TTC28: variants seen among roughly 807,000 people sequenced by gnomAD.
TTC28 encodes tetratricopeptide repeat protein 28.
Under a neutral mutation model 198.0 loss-of-function variants are expected in TTC28, and 61 were observed. The observed-to-expected ratio is 0.31, with a 90% confidence interval of 0.25 to 0.38. The LOEUF is 0.38. Among genes scored for constraint, TTC28 ranks in the 10% least tolerant of loss-of-function variants. The pLI, the probability that TTC28 is intolerant of heterozygous loss-of-function variation, is 1.00. For missense variants in TTC28, 2,678 were observed against 3,164.0 expected, an observed-to-expected ratio of 0.85 and a Z score of 3.69; for synonymous variants, 1,171 against 1,297.8, an observed-to-expected ratio of 0.90 and a Z score of 2.10.
At chr22:28,041,363 T>C (rs1039941106) in intron 12 of TTC28, among the ~76,000 whole-genome samples, 7 of 152,234 alleles carry the variant, frequency 4.6e-5, no homozygotes, top group Non-Finnish European at 7.3e-5. Flanking sequence ...CAAAACAGCA[T>C]GGTGCTGGTA....
chr22:28,365,474 G>C (rs1436918917), intron 2 of TTC28, among the ~76,000 whole-genome samples: 1 of 152,134 alleles, frequency 6.6e-6, no homozygotes, highest in Non-Finnish European at 1.5e-5. Flanking sequence ...ACAGAAGCAA[G>C]CTTTGGGAAA....
chr22:28,161,507 G>A (rs1019871033), intron 6 of TTC28, among the ~76,000 whole-genome samples: 1 of 152,030 alleles, frequency 6.6e-6, no homozygotes, highest in African/African-American at 2.4e-5. Context: ...AAATTAGCTG[G>A]TCAGGGTGGC....
At chr22:28,539,966 A>G (rs8136113) in intron 2 of TTC28, among the ~76,000 whole-genome samples, 6,417 of 116,404 alleles carry the variant, frequency 0.055, 238 homozygotes, top group African/African-American at 0.11. Flanking sequence ...TTTTTCTGAG[A>G]CAGGGTCTCA....
intron 12 of TTC28, among the ~76,000 whole-genome samples, chr22:28,089,228 A>G (rs1034452018): frequency 1.5e-4 from 23 of 152,164 alleles, no homozygotes; most frequent in Admixed American, 1.1e-3. Context: ...TGTTTACTGC[A>G]GCACTATTCA....
intron 5 of TTC28, among the ~76,000 whole-genome samples, chr22:28,170,920 A>C (rs1922611054): frequency 6.6e-6 from 1 of 150,510 alleles, no homozygotes; most frequent in South Asian, 2.1e-4. Context: ...TTCTAACCCC[A>C]GCCTCTCTGT....
chr22:28,141,780 T>C (rs991836169), intron 6 of TTC28, among the ~76,000 whole-genome samples: 6 of 152,162 alleles, frequency 3.9e-5, no homozygotes, highest in African/African-American at 1.2e-4. Flanking sequence ...TTTTGCCATA[T>C]AAAGGACCAT....
intron 2 of TTC28, among the ~76,000 whole-genome samples, chr22:28,518,782 C>T (rs184491718): frequency 6.6e-6 from 1 of 152,226 alleles, no homozygotes; most frequent in East Asian, 1.9e-4. Context: ...ATTCATCTAT[C>T]AATTACGAAA....
chr22:28,493,201 C>T (rs2146348138), intron 2 of TTC28, among the ~76,000 whole-genome samples: 1 of 151,978 alleles, frequency 6.6e-6, no homozygotes, highest in Non-Finnish European at 1.5e-5. Context: ...ACTAAATATA[C>T]AAAAATTAGC....
intron 6 of TTC28, among the ~76,000 whole-genome samples, chr22:28,126,788 C>T (rs1369575632): frequency 6.6e-6 from 1 of 152,202 alleles, no homozygotes; most frequent in Non-Finnish European, 1.5e-5. Flanking sequence ...TAATACACGA[C>T]TTCTCAGAGC....
intron 6 of TTC28, among the ~76,000 whole-genome samples, chr22:28,122,694 T>G (rs1460130985): frequency 6.6e-6 from 1 of 152,206 alleles, no homozygotes; most frequent in Non-Finnish European, 1.5e-5. Flanking sequence ...TAAAAAAGAC[T>G]TTGATGACAA....
intron 5 of TTC28, among the ~76,000 whole-genome samples, chr22:28,218,940 T>G (rs1030469560): frequency 6.6e-6 from 1 of 150,640 alleles, no homozygotes; most frequent in African/African-American, 2.4e-5. Context: ...ATACCGTCAG[T>G]GCAAACACCA....
chr22:28,548,269 T>A (rs527236894), intron 2 of TTC28, among the ~76,000 whole-genome samples: 1 of 152,280 alleles, frequency 6.6e-6, no homozygotes, highest in Admixed American at 6.5e-5. Context: ...CATGAACCCT[T>A]CTCTAAAAAT....
At chr22:28,134,697 G>C (rs534266760) in intron 6 of TTC28, among the ~76,000 whole-genome samples, 1 of 152,186 alleles carries the variant, frequency 6.6e-6, no homozygotes, top group African/African-American at 2.4e-5. Context: ...ATAGGACTAC[G>C]TGAAAAGACC....
At position 27,981,230 on chromosome 22, in the gene TTC28, A is replaced by ATTTTTTTTTTTTTTT. The variant is rs138635; in HGVS notation, c.*976_*990dup. 2.1e-4 allele frequency: 10 copies of ATTTTTTTTTTTTTTT among 48,216 alleles called. 2 individuals carry two copies. The highest frequency in any genetic ancestry group is 1.9e-4 in the African/African-American group (3 of 15,518). 3.0% of individuals were successfully genotyped at this position (48,216 alleles called of 1,614,324 possible). ...TGGTTAAATCTAGTTAGCCATGGAA[A>ATTTTTTTTTTTTTTT]TTTTTTTTTTTTTTTTTTTTTTTTT... On this transcript the variant is annotated 3_prime_UTR_variant, in exon 23 of 23. Coordinates refer to ENST00000397906, the MANE Select transcript of TTC28 (RefSeq NM_001145418.2).
At chr22:28,378,845 G>A (rs901699852) in intron 2 of TTC28, among the ~76,000 whole-genome samples, 12 of 152,124 alleles carry the variant, frequency 7.9e-5, no homozygotes, top group Non-Finnish European at 1.2e-4. Context: ...GTCTCCAAAG[G>A]AGAAGAGAGA....
At chr22:28,159,326 G>A (rs1943830726) in intron 6 of TTC28, among the ~76,000 whole-genome samples, 1 of 152,114 alleles carries the variant, frequency 6.6e-6, no homozygotes, top group Admixed American at 6.5e-5. Context: ...CAACCACTAT[G>A]GAGAAGGGTT....
At position 28,640,144 on chromosome 22, in the gene TTC28, T is replaced by A. The variant is rs557968334; in HGVS notation, c.103-10314A>T. ...GAACATGGCAAAACCCCACCTCTAC[T>A]AAAAATACAAAAACTGAGGTGGGAG... On this transcript the variant is annotated intron_variant, in intron 1 of 22. Transcript: ENST00000397906. 4.4e-4 allele frequency among the ~76,000 whole-genome samples: 67 copies of A among 151,578 alleles called. No individual in the cohort carries two copies. The South Asian group carries it at 0.014, about 31-fold the overall frequency.
At chr22:28,540,121 T>G (rs2049380897) in intron 2 of TTC28, among the ~76,000 whole-genome samples, 1 of 151,872 alleles carries the variant, frequency 6.6e-6, no homozygotes, top group Non-Finnish European at 1.5e-5. Flanking sequence ...TTTTTTTGTG[T>G]TTTCTTAGTA....
chr22:28,187,227 T>C (rs768992081), intron 5 of TTC28, among the ~76,000 whole-genome samples: 1 of 152,114 alleles, frequency 6.6e-6, no homozygotes, highest in Non-Finnish European at 1.5e-5. Context: ...GGTTAACTTC[T>C]TATCTATAGA....
Sources: gnomAD v4.1 joint callset for allele counts (sites outside exome capture counted in the v4.1 genomes callset) on GRCh38, gnomAD v4.1.1 for gene constraint, MANE v1.5 for transcripts, NCBI Gene and HGNC (gene_info 2026-07-23, HGNC 2026-07-21) for gene names.